PCDHGA7: variants seen among roughly 807,000 people sequenced by gnomAD.
PCDHGA7 encodes the protein protocadherin gamma subfamily A, 7.
In PCDHGA7, 44 loss-of-function variants were observed where a neutral mutation model predicts 58.3. The observed-to-expected ratio is 0.75, with a 90% CI of 0.59 to 0.97. PCDHGA7 has a LOEUF of 0.97. PCDHGA7 is among the 50% of genes least tolerant of loss of function. PCDHGA7 has a pLI of 0.00. For synonymous variants in PCDHGA7, 516 were observed against 504.2 expected (o/e 1.02, Z -0.31); for missense variants, 1,266 against 1,188.7 (o/e 1.06, Z -0.96).
chr5:141,389,767 G>A (rs2091900481), intron 1 of PCDHGA7: 1 of 1,613,028 alleles, frequency 6.2e-7, no homozygotes, highest in Non-Finnish European at 8.5e-7. Flanking sequence ...CGCACAGCGC[G>A]TGCCTTAGGC....
chr5:141,428,131 G>T, intron 1 of PCDHGA7: 1 of 1,602,720 alleles, frequency 6.2e-7, no homozygotes, highest in Non-Finnish European at 8.5e-7. Flanking sequence ...GGGCTTTTCA[G>T]CCTGGGGCTG....
chr5:141,505,513 G>A lies in PCDHGA7; in HGVS notation c.2572+32G>A, dbSNP rs1157816684. ...GGTGTCAGTGTGTGTATGGAAGAGT[G>A]GGAGACCTGGGGTTCTGGGGTGCAT... On this transcript the variant is annotated intron_variant, in intron 3 of 3. Coordinates refer to ENST00000518325, the MANE Select transcript of PCDHGA7 (RefSeq NM_018920.4). The A allele has an allele frequency of 3.1e-6, 5 of 1,613,710 alleles. No homozygotes were observed. In the South Asian group the frequency reaches 3.3e-5, roughly 11 times the overall value.
chr5:141,397,273 T>C (rs1324330524), intron 1 of PCDHGA7, among the ~76,000 whole-genome samples: 5 of 152,184 alleles, frequency 3.3e-5, no homozygotes, highest in Non-Finnish European at 1.5e-5. Flanking sequence ...CTACATCATA[T>C]GGGCAGTATA....
At chr5:141,470,508 G>A (rs947583701) in intron 1 of PCDHGA7, among the ~76,000 whole-genome samples, 10 of 152,176 alleles carry the variant, frequency 6.6e-5, no homozygotes, top group African/African-American at 2.4e-4. Flanking sequence ...TAATTAGACA[G>A]TTAGCTAATA....
rs2094308599 is a variant in PCDHGA7 at position 141,402,798 on chromosome 5, C to T, written c.2424+17475C>T. ...TTTCCAGTTCTGCGGCTACACAAAA[C>T]CCGGCAGATACCACAAACCTGCTCC... On this transcript the variant is annotated intron_variant, in intron 1 of 3. Transcript: ENST00000518325. 7.6e-6 allele frequency: 8 copies of T among 1,054,376 alleles called. No individual in the cohort carries two copies. The South Asian group carries it at 1.6e-4, about 20-fold the overall frequency. The allele number at this position is 1,054,376 out of a possible 1,614,324, so 65.3% of individuals were successfully genotyped here. A position where few individuals can be genotyped will look rare whatever the true frequency, so the allele number is the denominator to read the frequency against.
In PCDHGA7 at chr5:141,489,104, A is replaced by C; in HGVS notation, c.2425-5703A>C. The stretch of plus-strand genomic sequence containing the variant: ...CCACTCGGTGACTAAGAACTGCTGC[A>C]AGCAGGCAAACCTCCGAGCAGTTTT... On this transcript the variant is annotated intron_variant, in intron 1 of 3. Coordinates refer to ENST00000518325, the MANE Select transcript of PCDHGA7 (RefSeq NM_018920.4). The surrounding 1 kb of genome is among the most constrained non-coding windows in gnomAD (Gnocchi z 4.5). 2.5e-6 allele frequency: 1 copy of C among 405,816 alleles called. No individual in the cohort carries two copies. Among genetic ancestry groups the C allele is most frequent in the Non-Finnish European group, 4.3e-6 (1 of 232,372 alleles). 25.1% of individuals were successfully genotyped at this position (405,816 alleles called of 1,614,324 possible). A position where few individuals can be genotyped will look rare whatever the true frequency, so the allele number is the denominator to read the frequency against.
intron 1 of PCDHGA7, chr5:141,408,715 G>T: frequency 1.9e-6 from 3 of 1,612,078 alleles, no homozygotes; most frequent in Non-Finnish European, 2.5e-6. Flanking sequence ...AAGATTATAA[G>T]ATAAACTCTA....
rs759346998 is a variant in PCDHGA7 at position 141,410,849 on chromosome 5, C to CTTTTTTTTTT, written c.2424+25539_2424+25548dup. ...CAGACTGAAGATATTTTGTCTTTGT[C>CTTTTTTTTTT]TTTTTTTTTTTTTTTTTTTTTTGAG... On this transcript the variant is annotated intron_variant, in intron 1 of 3. Coordinates refer to ENST00000518325, the MANE Select transcript of PCDHGA7 (RefSeq NM_018920.4). 91 of 138,162 alleles carry CTTTTTTTTTT rather than the reference C, an allele frequency of 6.6e-4. 6 individuals are homozygous for CTTTTTTTTTT. The highest frequency in any genetic ancestry group is 2.3e-3 in the African/African-American group (38 of 16,624). The allele number at this position is 138,162 out of a possible 1,614,324, so 8.6% of individuals were successfully genotyped here. A position where few individuals can be genotyped will look rare whatever the true frequency, so the allele number is the denominator to read the frequency against.
intron 1 of PCDHGA7, among the ~76,000 whole-genome samples, chr5:141,451,873 C>A (rs1425706652): frequency 1.3e-5 from 2 of 151,830 alleles, no homozygotes; most frequent in East Asian, 3.9e-4. Context: ...AGAATGAAAC[C>A]CTGTCAAGAA....
chr5:141,492,274 A>C (rs2099739010), intron 1 of PCDHGA7, among the ~76,000 whole-genome samples: 1 of 152,024 alleles, frequency 6.6e-6, no homozygotes, highest in Non-Finnish European at 1.5e-5. Flanking sequence ...CGGGCTCGCC[A>C]CGCCCCGCCA....
At chr5:141,398,604 T>C (rs2093677345) in intron 1 of PCDHGA7, 1 of 1,613,930 alleles carries the variant, frequency 6.2e-7, no homozygotes, top group South Asian at 1.1e-5. Flanking sequence ...TAGCAGAAGA[T>C]GCAGATATTG....
In PCDHGA7 at chr5:141,432,872, C is replaced by A. The variant is rs73280906; in HGVS notation, c.2424+47549C>A. The stretch of plus-strand genomic sequence containing the variant: ...GGTGGCCGCGGTCTCCTGCGTCTTC[C>A]TGGCCTTCGTCATCTTGCTGCTGGC... On this transcript the variant is annotated intron_variant, in intron 1 of 3. Transcript: ENST00000518325. The surrounding 1 kb of genome is among the most constrained non-coding windows in gnomAD (Gnocchi z 6.0). 2,361 of 1,614,192 alleles carry A rather than the reference C, an allele frequency of 1.5e-3. 32 individuals carry two copies. In the African/African-American group the frequency reaches 0.028, roughly 19 times the overall value.
chr5:141,403,120 C>T, intron 1 of PCDHGA7: 2 of 1,614,050 alleles, frequency 1.2e-6, no homozygotes, highest in Non-Finnish European at 1.7e-6. Flanking sequence ...CTCTGGAGCC[C>T]CGGGAGCTGG....
chr5:141,477,037 G>A lies in PCDHGA7; in HGVS notation c.2425-17770G>A. ...TTGTAACCGGGATGCTGACAATCAAGGGTCGGCTGGACTTCGAGGACACCA... is the reference window on the plus strand; with the variant it reads ...TTGTAACCGGGATGCTGACAATCAAAGGTCGGCTGGACTTCGAGGACACCA... On this transcript the variant is annotated intron_variant, in intron 1 of 3. Coordinates refer to ENST00000518325, the MANE Select transcript of PCDHGA7 (RefSeq NM_018920.4). This position sits in a 1 kb window ranked among gnomAD's most constrained non-coding sequence, Gnocchi z 4.9. 6.2e-7 allele frequency: 1 copy of A among 1,614,266 alleles called. No individual in the cohort carries two copies. The highest frequency in any genetic ancestry group is 8.5e-7 in the Non-Finnish European group (1 of 1,180,052).
rs538105673 is a variant in PCDHGA7, at chr5:141,427,796, C to T, written c.2424+42473C>T. On this transcript the variant is annotated intron_variant, in intron 1 of 3. Transcript: ENST00000518325. Reference sequence around the variant, plus strand: ...TGCGGGCACTGTCGTCCTACGTGTCCGTGAGCGCACAGAGCGGGGTGGTGG... The same window carrying T: ...TGCGGGCACTGTCGTCCTACGTGTCTGTGAGCGCACAGAGCGGGGTGGTGG... The T allele has an allele frequency of 3.6e-4, 547 of 1,502,104 alleles. 5 individuals carry two copies. In the South Asian group the frequency reaches 5.9e-3, roughly 16 times the overall value. The allele number at this position is 1,502,104 out of a possible 1,614,324, so 93.0% of individuals were successfully genotyped here.
At chr5:141,438,637 C>T (rs11958903) in intron 1 of PCDHGA7, among the ~76,000 whole-genome samples, 3,503 of 30,116 alleles carry the variant, frequency 0.12, 108 homozygotes, top group Non-Finnish European at 0.15. Context: ...TATATATATA[C>T]ACACACACAC....
intron 1 of PCDHGA7, chr5:141,398,208 G>C (rs898628305): frequency 1.3e-6 from 2 of 1,486,802 alleles, no homozygotes; most frequent in Non-Finnish European, 9.0e-7. Context: ...TGTTCTGCCC[G>C]GCGCTCTGTG....
At chr5:141,438,621 TATATATATATATATACAC>T (rs1369797568) in intron 1 of PCDHGA7, among the ~76,000 whole-genome samples, 6 of 41,386 alleles carry the variant, frequency 1.4e-4, no homozygotes, top group South Asian at 9.0e-4. Context: ...TATATATATA[TATATATATATATATACAC>T]ACACACACAC....
intron 1 of PCDHGA7, chr5:141,398,933 A>C: frequency 1.2e-6 from 2 of 1,614,010 alleles, no homozygotes; most frequent in Non-Finnish European, 1.7e-6. Context: ...GCCACTGACC[A>C]AGACGAGGGC....
Sources: allele counts gnomAD v4.1 joint callset (sites outside exome capture counted in the v4.1 genomes callset), GRCh38; gene constraint gnomAD v4.1.1; non-coding constraint Gnocchi (gnomAD v3.1); transcripts MANE v1.5; gene names NCBI Gene and HGNC (gene_info 2026-07-23, HGNC 2026-07-21).